Variants in KLF12 observed in about 807,000 individuals in gnomAD.
KLF12 encodes the protein KLF transcription factor 12, also known as Krueppel-like factor 12.
KLF12 carries 9 observed loss-of-function variants against 37.8 expected under a neutral mutation model. The ratio of observed to expected loss-of-function variants is 0.24; its 90% CI spans 0.14 to 0.42. The LOEUF (loss-of-function observed/expected upper bound fraction) is 0.42. Ranked by LOEUF, KLF12 falls within the 10% of genes least tolerant of loss-of-function variation. The probability of loss-of-function intolerance (pLI) is 1.00; values close to 1 mark genes in which losing one functional copy is unlikely to be tolerated. For missense variants in KLF12, 411 were observed against 516.0 expected (o/e 0.80, Z 1.97); for synonymous variants, 208 against 202.1 (o/e 1.03, Z -0.25).
At chr13:73,917,553 G>T (rs1888906572) in intron 3 of KLF12, among the ~76,000 whole-genome samples, 2 of 152,146 alleles carry the variant, frequency 1.3e-5, no homozygotes, top group South Asian at 4.1e-4. Context: ...TACCAAGTTG[G>T]ACTCTACCAT....
chr13:74,003,394 A>C (rs1324449958), intron 1 of KLF12, among the ~76,000 whole-genome samples: 1 of 152,210 alleles, frequency 6.6e-6, no homozygotes, highest in East Asian at 1.9e-4. Flanking sequence ...CCCATGAGTT[A>C]ACATATTAGT....
intron 1 of KLF12, among the ~76,000 whole-genome samples, chr13:74,110,194 G>A (rs1413493699): frequency 6.6e-6 from 1 of 152,092 alleles, no homozygotes; most frequent in African/African-American, 2.4e-5. Context: ...GTGGACCTCT[G>A]CCCTATACAC....
At chr13:74,264,792 C>A in the KLF12 span, among the ~76,000 whole-genome samples, 6 of 152,098 alleles carry the variant, frequency 3.9e-5, no homozygotes, top group African/African-American at 1.4e-4. Context: ...ATATACTTAA[C>A]AATTTGTATA....
chr13:73,838,381 T>C (rs1884554368), intron 4 of KLF12, among the ~76,000 whole-genome samples: 1 of 152,140 alleles, frequency 6.6e-6, no homozygotes, highest in Non-Finnish European at 1.5e-5. Flanking sequence ...TTTGGAGGAT[T>C]CTTCACCGTG....
chr13:74,278,472 A>G, the KLF12 span, among the ~76,000 whole-genome samples: 1 of 152,148 alleles, frequency 6.6e-6, no homozygotes, highest in African/African-American at 2.4e-5. Flanking sequence ...TCCTTCTTCC[A>G]CAAGGGAATC....
intron 5 of KLF12, among the ~76,000 whole-genome samples, chr13:73,772,164 C>G (rs1029663382): frequency 1.3e-5 from 2 of 152,086 alleles, no homozygotes; most frequent in African/African-American, 4.8e-5. Flanking sequence ...CTATCTTTTA[C>G]TTAACCAACA....
the KLF12 span, among the ~76,000 whole-genome samples, chr13:74,270,264 A>T: frequency 1.3e-5 from 2 of 152,058 alleles, no homozygotes; most frequent in Non-Finnish European, 2.9e-5. Context: ...GATTGAGATG[A>T]CTCAGGATTG....
At chr13:73,957,251 C>T (rs1890874313) in intron 2 of KLF12, among the ~76,000 whole-genome samples, 1 of 152,004 alleles carries the variant, frequency 6.6e-6, no homozygotes, top group Non-Finnish European at 1.5e-5. Context: ...CAGAATATAT[C>T]TGCTGGGAAA....
chr13:74,066,920 G>GAC (rs1272469345), intron 1 of KLF12, among the ~76,000 whole-genome samples: 3 of 152,136 alleles, frequency 2.0e-5, no homozygotes, highest in Admixed American at 6.5e-5. Flanking sequence ...GTACTTTGAA[G>GAC]ACCATTTTAA....
intron 1 of KLF12, among the ~76,000 whole-genome samples, chr13:74,125,525 A>C (rs1877894377): frequency 6.6e-6 from 1 of 152,184 alleles, no homozygotes; most frequent in Admixed American, 6.5e-5. Flanking sequence ...GGCATGTTCT[A>C]ATAAAAATAA....
chr13:74,028,027 T>C (rs1225179260), intron 1 of KLF12, among the ~76,000 whole-genome samples: 1 of 152,196 alleles, frequency 6.6e-6, no homozygotes, highest in Non-Finnish European at 1.5e-5. Context: ...ATTGGCCAAT[T>C]TAATAGCCAT....
the KLF12 span, among the ~76,000 whole-genome samples, chr13:74,261,076 C>A: frequency 6.6e-6 from 1 of 152,192 alleles, no homozygotes; most frequent in African/African-American, 2.4e-5. Context: ...CAGAAATCAC[C>A]ACTAAAGAAC....
At chr13:73,972,074 C>T (rs189204961) in intron 2 of KLF12, among the ~76,000 whole-genome samples, 15 of 152,226 alleles carry the variant, frequency 9.9e-5, no homozygotes, top group Admixed American at 2.6e-4. Context: ...AAATGCCAAC[C>T]TGTAACAAAT....
At chr13:74,142,790 A>G in the KLF12 span, among the ~76,000 whole-genome samples, 2 of 152,312 alleles carry the variant, frequency 1.3e-5, no homozygotes, top group East Asian at 3.9e-4. Context: ...GAATATATAC[A>G]GTTTCTGTAC....
intron 1 of KLF12, among the ~76,000 whole-genome samples, chr13:74,115,128 T>A (rs190625232): frequency 1.3e-5 from 2 of 152,196 alleles, no homozygotes; most frequent in Admixed American, 1.3e-4. Context: ...AAGTTAGTTA[T>A]CCCCTTCAAA....
chr13:73,773,265 G>T (rs1322254691), intron 5 of KLF12, among the ~76,000 whole-genome samples: 1 of 151,972 alleles, frequency 6.6e-6, no homozygotes, highest in Non-Finnish European at 1.5e-5. Flanking sequence ...ACATCTTCTC[G>T]ATTGACTTTA....
the KLF12 span, among the ~76,000 whole-genome samples, chr13:74,171,446 A>G: frequency 1.3e-5 from 2 of 152,158 alleles, no homozygotes; most frequent in African/African-American, 4.8e-5. Flanking sequence ...TTTAGCTGCT[A>G]AACACATTCC....
intron 6 of KLF12, among the ~76,000 whole-genome samples, chr13:73,743,690 T>C (rs1878168552): frequency 6.6e-6 from 1 of 152,192 alleles, no homozygotes; most frequent in Non-Finnish European, 1.5e-5. Context: ...TGTATTTATG[T>C]AGAGTTGGAA....
At chr13:74,191,665 A>C in the KLF12 span, among the ~76,000 whole-genome samples, 2 of 152,214 alleles carry the variant, frequency 1.3e-5, no homozygotes, top group African/African-American at 4.8e-5. Context: ...ATACAGGCCT[A>C]CTTAGAAGAC....
Sources: allele counts gnomAD v4.1 joint callset (sites outside exome capture counted in the v4.1 genomes callset), GRCh38; gene constraint gnomAD v4.1.1; transcripts MANE v1.5; gene names NCBI Gene and HGNC (gene_info 2026-07-23, HGNC 2026-07-21).